SPEG: variants seen among roughly 807,000 people sequenced by gnomAD.
The protein encoded by SPEG is striated muscle enriched protein kinase, also known as striated muscle preferentially expressed protein kinase.
In SPEG, 114 loss-of-function variants were observed where a neutral mutation model predicts 300.4. The ratio of observed to expected loss-of-function variants is 0.38; its 90% CI spans 0.33 to 0.44. The LOEUF (loss-of-function observed/expected upper bound fraction) is 0.44, where lower values mean the gene tolerates loss of function less well. Ranked by LOEUF, SPEG falls within the 20% of genes least tolerant of loss-of-function variation. The pLI, the probability that SPEG is intolerant of heterozygous loss-of-function variation, is 1.00. For missense variants in SPEG, 4,201 were observed against 4,586.2 expected (o/e 0.92, Z 2.43); for synonymous variants, 1,964 against 2,018.9 (o/e 0.97, Z 0.73).
At position 219,464,721 on chromosome 2, in the gene SPEG, G is replaced by A; in HGVS notation, c.2881+113G>A. The A allele has an allele frequency of 1.9e-6, 2 of 1,064,804 alleles. No homozygotes were observed. Among genetic ancestry groups the A allele is most frequent in the Admixed American group, 2.4e-5 (1 of 42,146 alleles). The allele number at this position is 1,064,804 out of a possible 1,614,324, so 66.0% of individuals were successfully genotyped here. ...GATGCCACCACTGAAAGGGCCTTAA[G>A]GGGCCCCTAGTCCAGCTGCTTATAT... On this transcript the variant is annotated intron_variant, in intron 9 of 40. Transcript: ENST00000312358. This position sits in a 1 kb window ranked among gnomAD's most constrained non-coding sequence, Gnocchi z 4.5.
Position 219,449,095 on chromosome 2 carries a change from C to A in SPEG, c.1937C>A (p.Pro646Gln), listed in dbSNP as rs935500174. The A allele has an allele frequency of 4.0e-6, 6 of 1,500,316 alleles. No individual in the cohort carries two copies. Among genetic ancestry groups the A allele is most frequent in the South Asian group, 1.3e-5 (1 of 78,044 alleles). The allele number at this position is 1,500,316 out of a possible 1,614,324, so 92.9% of individuals were successfully genotyped here. The change falls in exon 4 of 41, where the codon CCG becomes CAG. Residue 646 changes from proline to glutamine, a missense_variant. This residue lies in a region of SPEG where 1,258 missense variants were observed against 1,293.9 expected (regional missense o/e 0.97). Coordinates refer to ENST00000312358, the MANE Select transcript of SPEG (RefSeq NM_005876.5). ...QAVRFLPWAT[P>Q]GLEGAAVPQT... ...GTGCGCTTCCTGCCCTGGGCCACGC[C>A]GGGCCTGGAGGGCGCTGCTGTACCC...
rs1263260983 is a variant in SPEG at position 219,451,129 on chromosome 2, C to A, written c.2114-7C>A. The A allele has an allele frequency of 6.2e-7, 1 of 1,607,918 alleles. No homozygotes were observed. The highest frequency in any genetic ancestry group is 1.1e-5 in the South Asian group (1 of 90,216). ...GCCCCTTACCCCGTTATTCCTGTGT[C>A]CGGCAGAGTCTTCGGATGACTCCTA... is the stretch of plus-strand genomic sequence containing the variant. On this transcript the variant is annotated splice_polypyrimidine_tract_variant and splice_region_variant and intron_variant, in intron 4 of 40. Transcript: ENST00000312358. This position sits in a 1 kb window ranked among gnomAD's most constrained non-coding sequence, Gnocchi z 6.4.
Position 219,451,565 on chromosome 2 carries a change from A to G in SPEG, c.2258-60A>G, listed in dbSNP as rs761883265. 7.1e-7 allele frequency: 1 copy of G among 1,415,540 alleles called. No individual in the cohort carries two copies. Among genetic ancestry groups the G allele is most frequent in the African/African-American group, 1.4e-5 (1 of 69,478 alleles). 87.7% of individuals were successfully genotyped at this position (1,415,540 alleles called of 1,614,324 possible). On this transcript the variant is annotated intron_variant, in intron 5 of 40. Transcript: ENST00000312358. This position sits in a 1 kb window ranked among gnomAD's most constrained non-coding sequence, Gnocchi z 6.4. ...CCTGTGTGGTGTGTGGGGTAGGAGT[A>G]GAGATTCTCAGTGGGCGCCTGTGGG...
Position 219,449,174 on chromosome 2 carries a change from A to G in SPEG, c.2016A>G (p.Arg672=), listed in dbSNP as rs894040877. 8 of 1,397,088 alleles carry G rather than the reference A, an allele frequency of 5.7e-6. No individual in the cohort carries two copies. In the African/African-American group the frequency reaches 6.1e-5, roughly 11 times the overall value. The allele number at this position is 1,397,088 out of a possible 1,614,324, so 86.5% of individuals were successfully genotyped here. A position where few individuals can be genotyped will look rare whatever the true frequency, so the allele number is the denominator to read the frequency against. Residue 672 remains arginine (R), a synonymous_variant, in exon 4 of 41, where the codon AGA becomes AGG. Transcript: ENST00000312358. Reference sequence around the variant, plus strand: ...CTGAGGCAGAGAAGAGGCTTCGCAGAGGGCCGGAGGAGGACGGTCCCTGGG... The same window carrying G: ...CTGAGGCAGAGAAGAGGCTTCGCAGGGGGCCGGAGGAGGACGGTCCCTGGG... ...AGPEAEKRLR[R]GPEEDGPWGP...
At chr2:219,452,578 T>C (rs1367595736) in intron 6 of SPEG, among the ~76,000 whole-genome samples, 1 of 151,764 alleles carries the variant, frequency 6.6e-6, no homozygotes, top group Non-Finnish European at 1.5e-5. Context: ...TCAAGGGGGT[T>C]CCCACTGGGT....
Position 219,480,526 on chromosome 2 carries a change from C to T in SPEG, c.5343-145C>T. 3 of 821,826 alleles carry T rather than the reference C, an allele frequency of 3.7e-6. No homozygotes were observed. The highest frequency in any genetic ancestry group is 6.2e-6 in the Non-Finnish European group (3 of 483,430). The allele number at this position is 821,826 out of a possible 1,614,324, so 50.9% of individuals were successfully genotyped here. A position where few individuals can be genotyped will look rare whatever the true frequency, so the allele number is the denominator to read the frequency against. ...CTGGACCTGTAGGTTCAGGGTCCTC[C>T]CTGAAGAAGCCACTCCTGTGCCCAT... On this transcript the variant is annotated intron_variant, in intron 25 of 40. Transcript: ENST00000312358. The surrounding 1 kb of genome is among the most constrained non-coding windows in gnomAD (Gnocchi z 5.3).
intron 6 of SPEG, chr2:219,460,674 TC>T: frequency 2.2e-6 from 2 of 924,532 alleles, no homozygotes; most frequent in East Asian, 2.4e-4. Flanking sequence ...CCCTCCCCTC[TC>T]CCCTCTCCTC....
chr2:219,477,830 TG>T lies in SPEG; in HGVS notation c.4826+48del. On this transcript the variant is annotated intron_variant, in intron 21 of 40. Transcript: ENST00000312358. This position sits in a 1 kb window ranked among gnomAD's most constrained non-coding sequence, Gnocchi z 6.4. ...GCCAGTGGGGGCCGAGAGAGGCTGC[TG>T]GGTCTGAGGGTTGGGAGGGGTGGAG... 6.3e-7 allele frequency: 1 copy of T among 1,594,514 alleles called. No individual in the cohort carries two copies. Among genetic ancestry groups the T allele is most frequent in the Middle Eastern group, 1.7e-4 (1 of 5,994 alleles).
chr2:219,492,993 G>T lies in SPEG; in HGVS notation c.*207G>T. The T allele has an allele frequency of 2.8e-6, 2 of 710,326 alleles. No homozygotes were observed. The highest frequency in any genetic ancestry group is 5.1e-6 in the Non-Finnish European group (2 of 393,010). 44.0% of individuals were successfully genotyped at this position (710,326 alleles called of 1,614,324 possible). A position where few individuals can be genotyped will look rare whatever the true frequency, so the allele number is the denominator to read the frequency against. On this transcript the variant is annotated 3_prime_UTR_variant, in exon 41 of 41. Transcript: ENST00000312358. Reference sequence around the variant, plus strand: ...GCCACCCCAGGCCAAAGCCAGAGTGGGAGACCCATTGGTCAGGCTCAGCAG... The same window carrying T: ...GCCACCCCAGGCCAAAGCCAGAGTGTGAGACCCATTGGTCAGGCTCAGCAG...
At chr2:219,474,043 A>C (rs1692127687) in intron 18 of SPEG, 140 bp downstream of exon 18, 2 of 771,318 alleles carry the variant, frequency 2.6e-6, no homozygotes, top group Admixed American at 2.9e-5. Context: ...TGTCATGGCT[A>C]TACAAATACC....
chr2:219,467,617 A>G (rs1473687788), intron 10 of SPEG, among the ~76,000 whole-genome samples, 183 bp downstream of exon 10: 1 of 152,252 alleles, frequency 6.6e-6, no homozygotes, highest in Non-Finnish European at 1.5e-5. Context: ...TGCATAGCAC[A>G]AAGGAAAGGC....
chr2:219,466,350 C>A, intron 9 of SPEG: 1 of 1,397,962 alleles, frequency 7.2e-7, no homozygotes, highest in Non-Finnish European at 9.2e-7. Flanking sequence ...ATCAACCCCC[C>A]GAGTCTCTCC....
At chr2:219,472,698 C>T (rs1013999291) in intron 15 of SPEG, among the ~76,000 whole-genome samples, 192 bp from the exon 16 acceptor site, 8 of 152,180 alleles carry the variant, frequency 5.3e-5, no homozygotes, top group Admixed American at 4.6e-4. Flanking sequence ...TGTACTGGTA[C>T]CTTGTTGGCT....
At chr2:219,436,299 C>T (rs1954717907) in intron 1 of SPEG, among the ~76,000 whole-genome samples, 2 of 152,260 alleles carry the variant, frequency 1.3e-5, no homozygotes, top group South Asian at 4.1e-4. Context: ...AGGCCAGGGC[C>T]GTTAGCCTTG....
rs1426131563 is a variant in SPEG, at chr2:219,477,500, A to G, written c.4729+55A>G. The G allele has an allele frequency of 3.3e-6, 5 of 1,503,784 alleles. No individual in the cohort carries two copies. Among genetic ancestry groups the G allele is most frequent in the Non-Finnish European group, 4.5e-6 (5 of 1,119,304 alleles). The allele number at this position is 1,503,784 out of a possible 1,614,324, so 93.2% of individuals were successfully genotyped here. A position where few individuals can be genotyped will look rare whatever the true frequency, so the allele number is the denominator to read the frequency against. On this transcript the variant is annotated intron_variant, in intron 20 of 40. Coordinates refer to ENST00000312358, the MANE Select transcript of SPEG (RefSeq NM_005876.5). The surrounding 1 kb of genome is among the most constrained non-coding windows in gnomAD (Gnocchi z 6.4). ...CGCACACCCCCTGGAATCTGATGTG[A>G]CCCTCCATGCTCTGCCCAGGAAGCA...
At chr2:219,447,327 G>C (rs2125271666) in intron 3 of SPEG, among the ~76,000 whole-genome samples, 2 of 152,338 alleles carry the variant, frequency 1.3e-5, no homozygotes, top group East Asian at 3.9e-4. Context: ...AGGAGAGTAG[G>C]AGCCTGGGCA....
At position 219,473,721 on chromosome 2, in the gene SPEG, C is replaced by T; in HGVS notation, c.4272-7C>T. 1.9e-6 allele frequency: 3 copies of T among 1,612,780 alleles called. No homozygotes were observed. Among genetic ancestry groups the T allele is most frequent in the Non-Finnish European group, 2.5e-6 (3 of 1,179,102 alleles). On this transcript the variant is annotated splice_polypyrimidine_tract_variant and splice_region_variant and intron_variant, in intron 17 of 40. Coordinates refer to ENST00000312358, the MANE Select transcript of SPEG (RefSeq NM_005876.5). This position sits in a 1 kb window ranked among gnomAD's most constrained non-coding sequence, Gnocchi z 4.6. ...TCTGGGTGACCTCCCTGTCATGTGT[C>T]CCCTAGCTGCCGAGGGGCCCTCCTA...
At position 219,490,541 on chromosome 2, in the gene SPEG, C is replaced by T. The variant is rs759882963; in HGVS notation, c.9054C>T (p.His3018=). 13 of 1,613,560 alleles carry T rather than the reference C, an allele frequency of 8.1e-6. No individual in the cohort carries two copies. In the South Asian group the frequency reaches 1.3e-4, roughly 16 times the overall value. Residue 3018 remains histidine (H), a synonymous_variant, in exon 37 of 41, where the codon CAC becomes CAT. Coordinates refer to ENST00000312358, the MANE Select transcript of SPEG (RefSeq NM_005876.5). Reference sequence around the variant, plus strand: ...AGTACGAGGTGCTGCGGACCCTGCACCACGAGCGGATCATGTCCCTGCACG... The same window carrying T: ...AGTACGAGGTGCTGCGGACCCTGCATCACGAGCGGATCATGTCCCTGCACG... ...LQEYEVLRTL[H]HERIMSLHEA...
At position 219,445,263 on chromosome 2, in the gene SPEG, C is replaced by T; in HGVS notation, c.815+102C>T. ...GCCTCCACCCATCACCCTGCCCCAT[C>T]CATCTCTCTGTGCATTTCTTCACCC... On this transcript the variant is annotated intron_variant, in intron 3 of 40. Transcript: ENST00000312358. The surrounding 1 kb of genome is among the most constrained non-coding windows in gnomAD (Gnocchi z 6.1). 1 of 1,118,988 alleles carries T rather than the reference C, an allele frequency of 8.9e-7. No homozygotes were observed. The highest frequency in any genetic ancestry group is 1.3e-6 in the Non-Finnish European group (1 of 761,252). The allele number at this position is 1,118,988 out of a possible 1,614,324, so 69.3% of individuals were successfully genotyped here.
Sources: allele counts gnomAD v4.1 joint callset (sites outside exome capture counted in the v4.1 genomes callset), GRCh38; gene constraint gnomAD v4.1.1; regional missense constraint gnomAD v4.1.1; non-coding constraint Gnocchi (gnomAD v3.1); transcripts MANE v1.5; gene names NCBI Gene and HGNC (gene_info 2026-07-23, HGNC 2026-07-21).